Variants in CLMP observed in about 807,000 individuals in gnomAD.
CLMP encodes CXADR like cell adhesion molecule.
CLMP carries 27 observed loss-of-function variants against 45.2 expected under a neutral mutation model. The ratio of observed to expected loss-of-function variants is 0.60; its 90% CI spans 0.44 to 0.82. CLMP has a LOEUF of 0.82. Among genes scored for constraint, CLMP ranks in the 40% least tolerant of loss-of-function variants. The pLI is 0.00. For missense variants in CLMP, 403 were observed against 448.4 expected (o/e 0.90, Z 0.91); for synonymous variants, 167 against 171.4 (o/e 0.97, Z 0.20).
In CLMP at chr11:123,097,933, G is replaced by C. The variant is rs759661592; in HGVS notation, c.48C>G (p.Thr16=). 4.1e-5 allele frequency: 65 copies of C among 1,576,626 alleles called. No individual in the cohort carries two copies. In the Admixed American group the frequency reaches 6.1e-4, roughly 15 times the overall value. The change falls in exon 2 of 7, where the codon ACC becomes ACG. Residue 16 remains threonine, a synonymous_variant. Transcript: ENST00000448775. Reference sequence around the variant, plus strand: ...TCTTGATCTCAGTGTGAGTCCCCAAGGTTCCAACATAGTAGGAAACTGGAA... The same window carrying C: ...TCTTGATCTCAGTGTGAGTCCCCAACGTTCCAACATAGTAGGAAACTGGAA... The part of the protein sequence containing the change: ...LLLLVSYYVG[T]LGTHTEIKRV...
chr11:123,105,929 G>A (rs563502406), intron 1 of CLMP, among the ~76,000 whole-genome samples: 134 of 151,560 alleles, frequency 8.8e-4, no homozygotes, highest in African/African-American at 2.5e-3. Context: ...CGATTCTTGT[G>A]CCTCAGCCTC....
rs901336794 is a variant in CLMP at position 123,083,097 on chromosome 11, C to A, written c.667G>T (p.Val223Leu). 2 of 1,614,176 alleles carry A rather than the reference C, an allele frequency of 1.2e-6. No homozygotes were observed. The highest frequency in any genetic ancestry group is 3.3e-5 in the Admixed American group (2 of 60,018). ...TTTGGATGCTTACACTGTACAGTTA[C>A]TCGCACCACACAGCTTTCCTTCCCA... Reference protein sequence around the residue: ...EAGKESCVVRVTVQYVQSIGM... With the variant: ...EAGKESCVVRLTVQYVQSIGM... The change falls in exon 5 of 7, where the codon GTA (valine) becomes TTA (leucine). Residue 223 changes from valine (V) to leucine (L), a missense_variant. By Grantham distance (32) the Val-to-Leu change is conservative (BLOSUM62 1). Transcript: ENST00000448775.
chr11:123,139,906 T>C (rs1331256277), intron 1 of CLMP, among the ~76,000 whole-genome samples: 2 of 152,082 alleles, frequency 1.3e-5, no homozygotes, highest in African/African-American at 4.8e-5. Context: ...AAGTACATAA[T>C]AGATGCTGTC....
At chr11:123,155,179 T>G (rs1861395611) in intron 1 of CLMP, among the ~76,000 whole-genome samples, 1 of 152,188 alleles carries the variant, frequency 6.6e-6, no homozygotes, top group Non-Finnish European at 1.5e-5. Context: ...TTTGTAGAGA[T>G]ATGGTCTTAC....
intron 1 of CLMP, among the ~76,000 whole-genome samples, chr11:123,112,213 A>T (rs1156490415): frequency 6.6e-6 from 1 of 152,186 alleles, no homozygotes; most frequent in East Asian, 1.9e-4. Flanking sequence ...TAGGCCAGTA[A>T]ATTACGAAAC....
At chr11:123,091,394 C>T (rs893225394) in intron 2 of CLMP, among the ~76,000 whole-genome samples, 15 of 152,180 alleles carry the variant, frequency 9.9e-5, no homozygotes, top group African/African-American at 3.4e-4. Context: ...CATGAGCCAC[C>T]GTGCCCATCC....
At position 123,070,122 on chromosome 11, in the gene CLMP, T is replaced by G. The variant is rs1865655281; in HGVS notation, c.*3352A>C. ...CTTCCTTATTTCACAAATTTAAGTT[T>G]GGTTTATATATTTTATTGACATGGT... On this transcript the variant is annotated 3_prime_UTR_variant, in exon 7 of 7. Transcript: ENST00000448775. 6.6e-6 allele frequency: 1 copy of G among 152,266 alleles called. No homozygotes were observed. The highest frequency in any genetic ancestry group is 6.5e-5 in the Admixed American group (1 of 15,288). 9.4% of individuals were successfully genotyped at this position (152,266 alleles called of 1,614,324 possible).
intron 1 of CLMP, among the ~76,000 whole-genome samples, chr11:123,132,182 T>C (rs1356834214): frequency 6.6e-6 from 1 of 152,198 alleles, no homozygotes; most frequent in African/African-American, 2.4e-5. Context: ...TTTTTCTTTT[T>C]AGCAAATTGC....
intron 1 of CLMP, among the ~76,000 whole-genome samples, chr11:123,161,521 A>C (rs931241284): frequency 2.0e-5 from 3 of 152,032 alleles, no homozygotes; most frequent in African/African-American, 7.2e-5. Context: ...AAAAAATACA[A>C]AGAATTAGCC....
intron 1 of CLMP, among the ~76,000 whole-genome samples, chr11:123,145,452 GTTTTTTTTTTTTT>G (rs66487810): frequency 1.6e-5 from 1 of 61,808 alleles, no homozygotes; most frequent in Non-Finnish European, 3.0e-5. Context: ...CTCTGCGGCT[GTTTTTTTTTTTTT>G]TTTTTTTTTT....
rs1865679601 is a variant in CLMP at position 123,072,174 on chromosome 11, A to G, written c.*1300T>C. On this transcript the variant is annotated 3_prime_UTR_variant, in exon 7 of 7. Coordinates refer to ENST00000448775, the MANE Select transcript of CLMP (RefSeq NM_024769.5). ...ATATACTTGCAGTGCCATTAGAAGCATTGGCAATCCCTGATCTTTTTGATA... is the reference window on the plus strand; with the variant it reads ...ATATACTTGCAGTGCCATTAGAAGCGTTGGCAATCCCTGATCTTTTTGATA... 6.6e-6 allele frequency: 1 copy of G among 152,248 alleles called. No individual in the cohort carries two copies. The allele number at this position is 152,248 out of a possible 1,614,324, so 9.4% of individuals were successfully genotyped here.
At chr11:123,177,916 G>T (rs1861719399) in intron 1 of CLMP, among the ~76,000 whole-genome samples, 1 of 152,144 alleles carries the variant, frequency 6.6e-6, no homozygotes. Context: ...AGTCTGGAGT[G>T]CAGTGGCACG....
intron 5 of CLMP, among the ~76,000 whole-genome samples, chr11:123,079,057 C>G (rs999885921): frequency 3.9e-5 from 6 of 152,114 alleles, no homozygotes; most frequent in African/African-American, 1.4e-4. Flanking sequence ...GGATTACAGG[C>G]ATGAGCCACC....
At chr11:123,158,148 C>T (rs1022473097) in intron 1 of CLMP, among the ~76,000 whole-genome samples, 6 of 152,114 alleles carry the variant, frequency 3.9e-5, no homozygotes, top group East Asian at 3.9e-4. Context: ...CCCTATTGCA[C>T]GGTTAGGCTG....
At chr11:123,189,393 C>A (rs550595987) in intron 1 of CLMP, among the ~76,000 whole-genome samples, 1 of 152,180 alleles carries the variant, frequency 6.6e-6, no homozygotes, top group Non-Finnish European at 1.5e-5. Flanking sequence ...AAGAAGCTCA[C>A]TTTACTTCTC....
At chr11:123,145,452 G>GTTTTTTTT (rs66487810) in intron 1 of CLMP, among the ~76,000 whole-genome samples, 1 of 61,806 alleles carries the variant, frequency 1.6e-5, no homozygotes, top group Non-Finnish European at 3.0e-5. Flanking sequence ...CTCTGCGGCT[G>GTTTTTTTT]TTTTTTTTTT....
At chr11:123,135,441 C>T (rs951433012) in intron 1 of CLMP, among the ~76,000 whole-genome samples, 1 of 151,942 alleles carries the variant, frequency 6.6e-6, no homozygotes, top group Non-Finnish European at 1.5e-5. Context: ...CAGTGAAAAA[C>T]GAAGTCCTGA....
At chr11:123,095,383 C>T (rs761753943) in intron 2 of CLMP, among the ~76,000 whole-genome samples, 2 of 152,016 alleles carry the variant, frequency 1.3e-5, no homozygotes, top group Non-Finnish European at 2.9e-5. Context: ...ATTCTCCTGC[C>T]TTGGCCTCCT....
intron 3 of CLMP, 103 bp from the exon 4 acceptor site, chr11:123,083,950 T>A (rs1591450691): frequency 7.3e-7 from 1 of 1,379,128 alleles, no homozygotes; most frequent in East Asian, 2.4e-5. Flanking sequence ...TCCAGCCATC[T>A]GTTTTGGTCA....
Sources: allele counts gnomAD v4.1 joint callset (sites outside exome capture counted in the v4.1 genomes callset), GRCh38; gene constraint gnomAD v4.1.1; transcripts MANE v1.5; gene names NCBI Gene and HGNC (gene_info 2026-07-23, HGNC 2026-07-21).